Variants in PRKG1 observed in about 807,000 individuals in gnomAD.
PRKG1 encodes cGMP-dependent protein kinase 1.
A neutral mutation model predicts 88.1 loss-of-function variants in PRKG1; 35 were observed. That is an observed-to-expected ratio of 0.40 (90% CI 0.30 to 0.53). The LOEUF (loss-of-function observed/expected upper bound fraction) is 0.53. PRKG1 is among the 20% of genes least tolerant of loss of function. The pLI, the probability that PRKG1 is intolerant of heterozygous loss-of-function variation, is 0.59. For synonymous variants in PRKG1, 303 were observed against 292.5 expected (o/e 1.04, Z -0.37); for missense variants, 540 against 839.8 (o/e 0.64, Z 4.41).
chr10:51,786,065 T>C, intron 3 of PRKG1, among the ~76,000 whole-genome samples: 1 of 152,172 alleles, frequency 6.6e-6, no homozygotes, highest in Admixed American at 6.6e-5. Context: ...TGTAAATCTG[T>C]AGCTAACATT....
intron 3 of PRKG1, among the ~76,000 whole-genome samples, chr10:51,778,657 C>T (rs1249169589): frequency 6.6e-6 from 1 of 152,144 alleles, no homozygotes; most frequent in Non-Finnish European, 1.5e-5. Flanking sequence ...TCTGAACCTT[C>T]TGTGGCTGGA....
chr10:52,262,046 A>G (rs1031376801), intron 10 of PRKG1, among the ~76,000 whole-genome samples: 29 of 152,082 alleles, frequency 1.9e-4, no homozygotes, highest in Admixed American at 2.6e-4. Flanking sequence ...TTAAATTTAA[A>G]CAGGTAGATT....
At chr10:51,209,185 G>T (rs868203974) in intron 2 of PRKG1, among the ~76,000 whole-genome samples, 18 of 151,454 alleles carry the variant, frequency 1.2e-4, no homozygotes, top group South Asian at 8.4e-4. Context: ...ACAAAAGCTG[G>T]TTTTTTTTTG....
At chr10:51,193,203 A>C (rs113892433) in intron 2 of PRKG1, among the ~76,000 whole-genome samples, 66 of 152,134 alleles carry the variant, frequency 4.3e-4, no homozygotes, top group African/African-American at 1.6e-3. Context: ...CGAGTATGAC[A>C]GTTTGGGGAA....
At chr10:51,924,102 G>A (rs1049875103) in intron 5 of PRKG1, among the ~76,000 whole-genome samples, 1 of 152,010 alleles carries the variant, frequency 6.6e-6, no homozygotes, top group Non-Finnish European at 1.5e-5. Context: ...TGTAATCAAA[G>A]GCATGAGCCA....
intron 1 of PRKG1, among the ~76,000 whole-genome samples, chr10:51,121,455 T>A (rs1845258887): frequency 6.6e-6 from 1 of 152,150 alleles, no homozygotes; most frequent in Admixed American, 6.6e-5. Flanking sequence ...ATTCAAACTA[T>A]CACTAATTAA....
chr10:51,288,452 G>A (rs923881566), intron 2 of PRKG1, among the ~76,000 whole-genome samples: 4 of 152,258 alleles, frequency 2.6e-5, no homozygotes, highest in Admixed American at 6.5e-5. Flanking sequence ...ACTTGAAAAT[G>A]GGTGTGAAGA....
At chr10:51,001,209 C>T (rs868041695) in intron 1 of PRKG1, among the ~76,000 whole-genome samples, 3 of 152,212 alleles carry the variant, frequency 2.0e-5, no homozygotes, top group Admixed American at 2.0e-4. Context: ...GCACCCACTT[C>T]CATCCAGTCT....
At chr10:51,703,182 C>A (rs1252621587) in intron 3 of PRKG1, among the ~76,000 whole-genome samples, 2 of 152,134 alleles carry the variant, frequency 1.3e-5, no homozygotes, top group Admixed American at 6.5e-5. Context: ...TTCCAAATAT[C>A]AAACCTTACA....
intron 3 of PRKG1, among the ~76,000 whole-genome samples, chr10:51,778,085 A>G (rs1029037847): frequency 7.2e-5 from 11 of 152,062 alleles, no homozygotes; most frequent in African/African-American, 2.7e-4. Flanking sequence ...TCAACAGTAC[A>G]TTGTTTCTTC....
At chr10:51,700,969 G>A (rs1345011928) in intron 3 of PRKG1, among the ~76,000 whole-genome samples, 1 of 152,212 alleles carries the variant, frequency 6.6e-6, no homozygotes, top group East Asian at 1.9e-4. Flanking sequence ...TTAACATACT[G>A]GTTGAGGTGT....
intron 3 of PRKG1, among the ~76,000 whole-genome samples, chr10:51,550,346 T>C (rs1056035011): frequency 1.1e-4 from 17 of 152,114 alleles, no homozygotes; most frequent in African/African-American, 3.6e-4. Context: ...GCTAATGCTA[T>C]ACTTTGTCTT....
At chr10:51,907,026 A>G (rs1842101044) in intron 4 of PRKG1, among the ~76,000 whole-genome samples, 1 of 152,176 alleles carries the variant, frequency 6.6e-6, no homozygotes, top group South Asian at 2.1e-4. Context: ...TTGAATGTTA[A>G]TTCTAGTAAG....
At chr10:51,259,298 A>G (rs1362935959) in intron 2 of PRKG1, among the ~76,000 whole-genome samples, 4 of 152,184 alleles carry the variant, frequency 2.6e-5, no homozygotes, top group Non-Finnish European at 4.4e-5. Flanking sequence ...CGTTTAGCAG[A>G]TATCTCAAGG....
In PRKG1 at chr10:51,664,867, A is replaced by G. The variant is rs375947652; in HGVS notation, c.593-139718A>G. ...TAAAATAAAATAGTATCTTCTTTTG[A>G]GAGGATGTCAGTGGACATTTAATCA... On this transcript the variant is annotated intron_variant, in intron 3 of 17. Transcript: ENST00000373980. Among the ~76,000 whole-genome samples, 5 of 152,288 alleles carry G rather than the reference A, an allele frequency of 3.3e-5. 1 individual carries two copies. Among genetic ancestry groups the G allele is most frequent in the East Asian group, 1.9e-4 (1 of 5,190 alleles).
chr10:52,290,411 A>T (rs1842213888), intron 17 of PRKG1, 121 bp downstream of exon 17: 1 of 826,874 alleles, frequency 1.2e-6, no homozygotes, highest in East Asian at 2.7e-5. Flanking sequence ...TCTAGGAAAA[A>T]TGTCACATTA....
chr10:51,101,997 C>T (rs1201496761), intron 1 of PRKG1, among the ~76,000 whole-genome samples: 2 of 152,166 alleles, frequency 1.3e-5, no homozygotes, highest in African/African-American at 4.8e-5. Context: ...AACTAGGTCT[C>T]AAAATAGTTG....
At chr10:51,602,889 T>A (rs1039328047) in intron 3 of PRKG1, among the ~76,000 whole-genome samples, 2 of 152,038 alleles carry the variant, frequency 1.3e-5, no homozygotes, top group Non-Finnish European at 2.9e-5. Context: ...ATGTTTTTAA[T>A]GTGAGTCTTC....
intron 9 of PRKG1, among the ~76,000 whole-genome samples, chr10:52,195,829 C>A (rs913325631): frequency 3.3e-5 from 5 of 151,682 alleles, no homozygotes; most frequent in Non-Finnish European, 7.4e-5. Context: ...TCATTTAAAT[C>A]AAAAACTTAT....
Sources: gnomAD v4.1 joint callset for allele counts (sites outside exome capture counted in the v4.1 genomes callset) on GRCh38, gnomAD v4.1.1 for gene constraint, MANE v1.5 for transcripts, NCBI Gene and HGNC (gene_info 2026-07-23, HGNC 2026-07-21) for gene names.